Variants in IFIT3 observed in about 807,000 individuals in gnomAD.
IFIT3 encodes the protein interferon induced protein with tetratricopeptide repeats 3.
In IFIT3, 2 loss-of-function variants were observed where a neutral mutation model predicts 2.4. That is an observed-to-expected ratio of 0.82 (90% CI 0.34 to 2.60). IFIT3 has a LOEUF of 2.60. IFIT3 is among the 30% of genes most tolerant of loss of function. The pLI, the probability that IFIT3 is intolerant of heterozygous loss-of-function variation, is 0.11. For synonymous variants in IFIT3, 203 were observed against 212.1 expected, an observed-to-expected ratio of 0.96 and a Z score of 0.37; for missense variants, 481 against 562.4, an observed-to-expected ratio of 0.86 and a Z score of 1.46.
chr10:89,338,611 G>C (rs770326727), intron 1 of IFIT3, 50 bp from the exon 2 acceptor site: 1 of 1,523,330 alleles, frequency 6.6e-7, no homozygotes, highest in Non-Finnish European at 8.9e-7. Context: ...ATCACAGGGT[G>C]CAGTGCTTGG....
chr10:89,337,106 A>G (rs1418428911), intron 1 of IFIT3, among the ~76,000 whole-genome samples: 2 of 152,184 alleles, frequency 1.3e-5, no homozygotes, highest in African/African-American at 4.8e-5. Context: ...ACTCAAGCTG[A>G]GCCTCCGTGG....
intron 1 of IFIT3, chr10:89,332,369 C>T: frequency 1.3e-6 from 1 of 790,354 alleles, no homozygotes; most frequent in Non-Finnish European, 1.8e-6. Flanking sequence ...ACTTTCAAAC[C>T]ACAGTTTTCC....
In IFIT3 at chr10:89,339,739, C is replaced by A; in HGVS notation, c.1084C>A (p.Gln362Lys). The change falls in exon 2 of 2, where the codon CAG becomes AAG. Residue 362 changes from glutamine to lysine, a missense_variant. Transcript: ENST00000371818. ...TGATGCTGAAAAGCAACAATCCCAT[C>A]AGCGCTACTGCAACCTTCAGAAATA... ...VPDAEKQQSHQRYCNLQKYNG... is the reference protein window; with the variant it reads ...VPDAEKQQSHKRYCNLQKYNG... 6.2e-7 allele frequency: 1 copy of A among 1,614,186 alleles called. No individual in the cohort carries two copies. The highest frequency in any genetic ancestry group is 8.5e-7 in the Non-Finnish European group (1 of 1,180,020).
At chr10:89,329,380 G>A (rs922446443) in intron 1 of IFIT3, among the ~76,000 whole-genome samples, 1 of 152,118 alleles carries the variant, frequency 6.6e-6, no homozygotes, top group Non-Finnish European at 1.5e-5. Flanking sequence ...AGAGAGCAAG[G>A]CGTCTTAGTA....
rs578154457 is a variant in IFIT3, at chr10:89,334,478, C to CTTTTTTTTTTTTTTTTTTTTTTTTTT, written c.6-4173_6-4148dup. Among the ~76,000 whole-genome samples, 29 of 25,338 alleles carry CTTTTTTTTTTTTTTTTTTTTTTTTTT rather than the reference C, an allele frequency of 1.1e-3. 2 individuals are homozygous for CTTTTTTTTTTTTTTTTTTTTTTTTTT. The highest frequency in any genetic ancestry group is 1.5e-3 in the Non-Finnish European group (22 of 14,414). 16.6% of individuals were successfully genotyped at this position (25,338 alleles called of 152,430 possible). On this transcript the variant is annotated intron_variant, in intron 1 of 1. Coordinates refer to ENST00000371818, the MANE Select transcript of IFIT3 (RefSeq NM_001549.6). The stretch of plus-strand genomic sequence containing the variant: ...TGTTTTTTCTTCTTTTTCTTTTATT[C>CTTTTTTTTTTTTTTTTTTTTTTTTTT]TTTTTTTTTTTTTTTTTTTTTTTTT...
chr10:89,329,913 T>G (rs976518662), intron 1 of IFIT3, among the ~76,000 whole-genome samples: 7 of 151,426 alleles, frequency 4.6e-5, no homozygotes, highest in Non-Finnish European at 1.0e-4. Flanking sequence ...AAGATTTGGG[T>G]AGGTAAAGGA....
intron 1 of IFIT3, among the ~76,000 whole-genome samples, chr10:89,334,960 G>T (rs1453198213): frequency 6.6e-6 from 1 of 152,110 alleles, no homozygotes; most frequent in African/African-American, 2.4e-5. Context: ...AGGAAACCTT[G>T]GCAATTGGAG....
Position 89,339,080 on chromosome 10 carries a change from A to G in IFIT3, c.425A>G (p.Glu142Gly), listed in dbSNP as rs1843800282. 2 of 1,613,964 alleles carry G rather than the reference A, an allele frequency of 1.2e-6. No homozygotes were observed. Among genetic ancestry groups the G allele is most frequent in the Non-Finnish European group, 1.7e-6 (2 of 1,180,032 alleles). Residue 142 changes from glutamate to glycine, a missense_variant, in exon 2 of 2, where the codon GAA becomes GGA. Glu to Gly is a moderately conservative substitution (Grantham distance 98). Coordinates refer to ENST00000371818, the MANE Select transcript of IFIT3 (RefSeq NM_001549.6). ...SIEYSELDCE[E>G]GWTQLKCGRN... ...GAGTATTCTGAACTTGACTGTGAGG[A>G]AGGGTGGACACAACTGAAGTGTGGA...
At chr10:89,337,408 TA>T (rs1388630337) in intron 1 of IFIT3, among the ~76,000 whole-genome samples, 3 of 152,172 alleles carry the variant, frequency 2.0e-5, no homozygotes, top group African/African-American at 7.2e-5. Flanking sequence ...TTCTTACTTT[TA>T]TTTTTTTTGA....
rs1192949044 is a variant in IFIT3 at position 89,339,798 on chromosome 10, T to A, written c.1143T>A (p.His381Gln). 1 of 1,614,016 alleles carries A rather than the reference T, an allele frequency of 6.2e-7. No homozygotes were observed. The highest frequency in any genetic ancestry group is 1.3e-5 in the African/African-American group (1 of 74,904). Residue 381 changes from histidine (H) to glutamine (Q), a missense_variant, in exon 2 of 2, where the codon CAT becomes CAA. Physicochemically the swap from His to Gln is conservative, Grantham distance 24. Coordinates refer to ENST00000371818, the MANE Select transcript of IFIT3 (RefSeq NM_001549.6). ...AGTCTGAAGACACTGCTGTGCAACA[T>A]GGTTTAGAGGGTTTGTCCATAAGCA... ...NGKSEDTAVQHGLEGLSISKK... is the reference protein window; with the variant it reads ...NGKSEDTAVQQGLEGLSISKK...
At chr10:89,328,390 G>C (rs1367694068) in intron 1 of IFIT3, among the ~76,000 whole-genome samples, 1 of 152,192 alleles carries the variant, frequency 6.6e-6, no homozygotes, top group Non-Finnish European at 1.5e-5. Context: ...GGCTTGGCAG[G>C]AGCGGTGTAT....
Position 89,340,863 on chromosome 10 carries a change from T to C in IFIT3, c.*735T>C, listed in dbSNP as rs1843860670. On this transcript the variant is annotated 3_prime_UTR_variant, in exon 2 of 2. Transcript: ENST00000371818. ...ACCCTGGAATATCTCTTATCTCACTTATAGCTTCAGGCATGTATTTATATG... is the reference window on the plus strand; with the variant it reads ...ACCCTGGAATATCTCTTATCTCACTCATAGCTTCAGGCATGTATTTATATG... The C allele has an allele frequency of 6.6e-6, 1 of 152,236 alleles. No individual in the cohort carries two copies. The highest frequency in any genetic ancestry group is 2.4e-5 in the African/African-American group (1 of 41,462). 9.4% of individuals were successfully genotyped at this position (152,236 alleles called of 1,614,324 possible).
intron 1 of IFIT3, among the ~76,000 whole-genome samples, chr10:89,333,720 T>G (rs1843686069): frequency 6.6e-6 from 1 of 152,036 alleles, no homozygotes; most frequent in African/African-American, 2.4e-5. Context: ...AAAGGGTAAT[T>G]TAAGTATGAG....
chr10:89,328,345 T>A (rs1589602530), intron 1 of IFIT3, among the ~76,000 whole-genome samples: 1 of 152,198 alleles, frequency 6.6e-6, no homozygotes, highest in Admixed American at 6.5e-5. Flanking sequence ...TCATGTTTCC[T>A]CCCTGTGTGC....
At position 89,340,963 on chromosome 10, in the gene IFIT3, C is replaced by T. The variant is rs557035657; in HGVS notation, c.*835C>T. The stretch of plus-strand genomic sequence containing the variant: ...TACAATAAATCCAAACATTTCAACT[C>T]TGTTAGAATAGAGGTAATTGTGTGG... On this transcript the variant is annotated 3_prime_UTR_variant, in exon 2 of 2. Coordinates refer to ENST00000371818, the MANE Select transcript of IFIT3 (RefSeq NM_001549.6). 1 of 152,312 alleles carries T rather than the reference C, an allele frequency of 6.6e-6. No homozygotes were observed. Among genetic ancestry groups the T allele is most frequent in the South Asian group, 2.1e-4 (1 of 4,830 alleles). The allele number at this position is 152,312 out of a possible 1,614,324, so 9.4% of individuals were successfully genotyped here. A position where few individuals can be genotyped will look rare whatever the true frequency, so the allele number is the denominator to read the frequency against.
At position 89,339,364 on chromosome 10, in the gene IFIT3, T is replaced by C. The variant is rs766944919; in HGVS notation, c.709T>C (p.Ser237Pro). 1.2e-5 allele frequency: 19 copies of C among 1,613,710 alleles called. No individual in the cohort carries two copies. Among genetic ancestry groups the C allele is most frequent in the Non-Finnish European group, 1.6e-5 (19 of 1,179,870 alleles). Reference sequence around the variant, plus strand: ...GTTTGTTGAAGAAGCCTTGGAAAAGTCTCCTTGCCAAACAGATGTCCTCCG... The same window carrying C: ...GTTTGTTGAAGAAGCCTTGGAAAAGCCTCCTTGCCAAACAGATGTCCTCCG... ...EQFVEEALEK[S>P]PCQTDVLRSA... The change falls in exon 2 of 2, where the codon TCT (serine) becomes CCT (proline). Residue 237 changes from serine (S) to proline (P), a missense_variant. Physicochemically the swap from Ser to Pro is moderately conservative, Grantham distance 74. Transcript: ENST00000371818.
chr10:89,328,059 A>T lies in IFIT3; in HGVS notation c.-15A>T, dbSNP rs748925972. ...TCACCAGCTTTTCGGAACAGCAGAG[A>T]CACAGAGGGCAGTCATGAGGTCAGT... is the stretch of plus-strand genomic sequence containing the variant. On this transcript the variant is annotated 5_prime_UTR_variant, in exon 1 of 2. Coordinates refer to ENST00000371818, the MANE Select transcript of IFIT3 (RefSeq NM_001549.6). The T allele has an allele frequency of 5.0e-6, 8 of 1,613,972 alleles. No individual in the cohort carries two copies. In the East Asian group the frequency reaches 1.1e-4, roughly 22 times the overall value.
At chr10:89,335,570 T>G (rs948494561) in intron 1 of IFIT3, 4 of 149,524 alleles carry the variant, frequency 2.7e-5, no homozygotes, top group Admixed American at 6.6e-5. Context: ...GAGAGAGAGA[T>G]AGTGTCATCA....
At chr10:89,330,364 T>C (rs1184425556) in intron 1 of IFIT3, among the ~76,000 whole-genome samples, 1 of 152,242 alleles carries the variant, frequency 6.6e-6, no homozygotes, top group East Asian at 1.9e-4. Flanking sequence ...GAGTCATTAA[T>C]GGAGGCACCA....
Sources: allele counts gnomAD v4.1 joint callset (sites outside exome capture counted in the v4.1 genomes callset), GRCh38; gene constraint gnomAD v4.1.1; transcripts MANE v1.5; gene names NCBI Gene and HGNC (gene_info 2026-07-23, HGNC 2026-07-21).